The following MOGAT2 variants were observed in gnomAD, a reference collection of about 807,000 sequenced individuals.
MOGAT2 encodes the protein 2-acylglycerol O-acyltransferase 2.
MOGAT2 carries 27 observed loss-of-function variants against 31.5 expected under a neutral mutation model. The observed-to-expected ratio is 0.86, with a 90% CI of 0.63 to 1.18. The LOEUF (loss-of-function observed/expected upper bound fraction) is 1.18. Ranked by LOEUF, MOGAT2 falls within the 50% of genes most tolerant of loss-of-function variation. The pLI is 0.00. For missense variants in MOGAT2, 436 were observed against 433.2 expected (o/e 1.01, Z -0.06); for synonymous variants, 163 against 170.0 (o/e 0.96, Z 0.32).
At chr11:75,720,860 T>C (rs1320377391) in intron 2 of MOGAT2, among the ~76,000 whole-genome samples, 2 of 152,164 alleles carry the variant, frequency 1.3e-5, no homozygotes, top group East Asian at 1.9e-4. Context: ...TTGTGGACGC[T>C]GGGCCCTGGA....
Position 75,717,842 on chromosome 11 carries a change from C to T in MOGAT2, c.-47C>T, listed in dbSNP as rs374253507. 67 of 1,590,460 alleles carry T rather than the reference C, an allele frequency of 4.2e-5. No homozygotes were observed. The African/African-American group carries it at 7.0e-4, about 17-fold the overall frequency. On this transcript the variant is annotated 5_prime_UTR_variant, in exon 1 of 6. Transcript: ENST00000198801. ...ACAAAAACCTGTGGGTGCCTCAGAC[C>T]ACAGCAGAGCTCACAGAACCTGCGG...
rs1944492044 is a variant in MOGAT2 at position 75,732,531 on chromosome 11, G to GC, written c.*1248dup. ...GCCGTTTGCCACTCTCCAGCATCTG[G>GC]CCCAGCCTGTCCATCCTCATCTCTC... On this transcript the variant is annotated 3_prime_UTR_variant, in exon 6 of 6. Transcript: ENST00000198801. 6.6e-6 allele frequency: 1 copy of GC among 152,348 alleles called. No homozygotes were observed. The highest frequency in any genetic ancestry group is 1.5e-5 in the Non-Finnish European group (1 of 68,198). The allele number at this position is 152,348 out of a possible 1,614,324, so 9.4% of individuals were successfully genotyped here. A position where few individuals can be genotyped will look rare whatever the true frequency, so the allele number is the denominator to read the frequency against.
chr11:75,723,870 G>C (rs1043654287), intron 2 of MOGAT2, among the ~76,000 whole-genome samples: 1 of 152,136 alleles, frequency 6.6e-6, no homozygotes, highest in African/African-American at 2.4e-5. Context: ...CACCCAGGCA[G>C]GATTTTCCCC....
chr11:75,720,193 G>A (rs1234630227), intron 2 of MOGAT2, 23 bp downstream of exon 2: 3 of 1,599,652 alleles, frequency 1.9e-6, no homozygotes, highest in Non-Finnish European at 2.6e-6. Context: ...GCTGGTTGGG[G>A]TTGGGGAGGG....
Position 75,727,508 on chromosome 11 carries a change from T to C in MOGAT2, c.344T>C (p.Val115Ala), listed in dbSNP as rs752676668. 22 of 1,613,988 alleles carry C rather than the reference T, an allele frequency of 1.4e-5. No individual in the cohort carries two copies. The highest frequency in any genetic ancestry group is 1.7e-5 in the Non-Finnish European group (20 of 1,180,014). Reference sequence around the variant, plus strand: ...TTCCACCCCCATGGAGTCCTGGCAGTCGGAGCCTTTGCCAACCTGTGCACT... The same window carrying C: ...TTCCACCCCCATGGAGTCCTGGCAGCCGGAGCCTTTGCCAACCTGTGCACT... The part of the protein sequence containing the change: ...AGFHPHGVLA[V>A]GAFANLCTES... The change falls in exon 3 of 6, where the codon GTC becomes GCC. Residue 115 changes from valine to alanine, a missense_variant. Transcript: ENST00000198801.
intron 2 of MOGAT2, 64 bp from the exon 3 acceptor site, chr11:75,727,371 G>A (rs1409645932): frequency 6.6e-7 from 1 of 1,507,984 alleles, no homozygotes; most frequent in Non-Finnish European, 9.1e-7. Flanking sequence ...TCACACCAGT[G>A]AGTGGCAGAG....
intron 2 of MOGAT2, among the ~76,000 whole-genome samples, chr11:75,723,725 T>C (rs1944396802): frequency 6.6e-6 from 1 of 152,202 alleles, no homozygotes; most frequent in African/African-American, 2.4e-5. Flanking sequence ...CTGAATGTCA[T>C]ACTTTAAACG....
intron 2 of MOGAT2, among the ~76,000 whole-genome samples, chr11:75,720,939 G>A (rs1220785727): frequency 4.6e-5 from 7 of 152,138 alleles, no homozygotes; most frequent in African/African-American, 7.2e-5. Flanking sequence ...CTCCTTCAAC[G>A]GAATCCCAGG....
chr11:75,718,000 A>T lies in MOGAT2; in HGVS notation c.91+21A>T, dbSNP rs990719028. 3 of 1,611,610 alleles carry T rather than the reference A, an allele frequency of 1.9e-6. No homozygotes were observed. The African/African-American group carries it at 4.0e-5, about 21-fold the overall frequency. On this transcript the variant is annotated intron_variant, in intron 1 of 5. Transcript: ENST00000198801. ...ACTGGGTAAGTTGGGCTGCACTGTA[A>T]GACGGGAGACCACCGCACTCAGGTG...
At chr11:75,718,115 GC>G in intron 1 of MOGAT2, 136 bp downstream of exon 1, 1 of 906,552 alleles carries the variant, frequency 1.1e-6, no homozygotes, top group Non-Finnish European at 1.7e-6. Context: ...CAGAGCCCCT[GC>G]CCAGAGAGAA....
chr11:75,720,842 C>T (rs1291367513), intron 2 of MOGAT2, among the ~76,000 whole-genome samples: 1 of 152,134 alleles, frequency 6.6e-6, no homozygotes, highest in Non-Finnish European at 1.5e-5. Context: ...CCTGTCACCT[C>T]GTGGTCATTG....
rs781378010 is a variant in MOGAT2, at chr11:75,731,329, G to C, written c.*43G>C. On this transcript the variant is annotated 3_prime_UTR_variant, in exon 6 of 6. Coordinates refer to ENST00000198801, the MANE Select transcript of MOGAT2 (RefSeq NM_025098.4). Reference sequence around the variant, plus strand: ...AACATTAGGGAGCCCAGCAGGAGGTGCTGTGCTGAGAAGACTTCCTGGAGG... The same window carrying C: ...AACATTAGGGAGCCCAGCAGGAGGTCCTGTGCTGAGAAGACTTCCTGGAGG... 1 of 1,602,042 alleles carries C rather than the reference G, an allele frequency of 6.2e-7. No individual in the cohort carries two copies.
chr11:75,725,377 T>C (rs1944412572), intron 2 of MOGAT2, among the ~76,000 whole-genome samples: 1 of 152,006 alleles, frequency 6.6e-6, no homozygotes, highest in Non-Finnish European at 1.5e-5. Flanking sequence ...AAACACCCTG[T>C]CTCTACTAAA....
At chr11:75,721,333 A>G (rs1045409872) in intron 2 of MOGAT2, among the ~76,000 whole-genome samples, 7 of 151,814 alleles carry the variant, frequency 4.6e-5, no homozygotes, top group African/African-American at 1.7e-4. Flanking sequence ...CCCAGGCTGG[A>G]GTGCAATGGC....
At chr11:75,720,278 G>T in intron 2 of MOGAT2, 108 bp downstream of exon 2, 1 of 1,284,962 alleles carries the variant, frequency 7.8e-7, no homozygotes. Context: ...GCACTGAGGA[G>T]GGTACTGGGC....
chr11:75,721,466 A>G (rs1027223436), intron 2 of MOGAT2, among the ~76,000 whole-genome samples: 7 of 152,120 alleles, frequency 4.6e-5, no homozygotes, highest in African/African-American at 1.7e-4. Context: ...TATTTTTAGT[A>G]GAGACGGGGT....
intron 5 of MOGAT2, among the ~76,000 whole-genome samples, chr11:75,730,432 A>C (rs1305558855): frequency 6.6e-6 from 1 of 152,208 alleles, no homozygotes; most frequent in Non-Finnish European, 1.5e-5. Context: ...CTGAAGGTAA[A>C]GGGCACATCC....
chr11:75,718,059 ATTGAT>A (rs1944345174), intron 1 of MOGAT2, 80 bp downstream of exon 1: 18 of 1,340,998 alleles, frequency 1.3e-5, no homozygotes, highest in Non-Finnish European at 1.8e-5. Flanking sequence ...CACACAGCAC[ATTGAT>A]GGTGGCAAGA....
At position 75,731,265 on chromosome 11, in the gene MOGAT2, C is replaced by T. The variant is rs750153970; in HGVS notation, c.984C>T (p.Asp328=). 9 of 1,614,130 alleles carry T rather than the reference C, an allele frequency of 5.6e-6. No individual in the cohort carries two copies. The highest frequency in any genetic ancestry group is 8.5e-7 in the Non-Finnish European group (1 of 1,180,010). ...AHKLKFNIPA[D]QHLEFC The stretch of plus-strand genomic sequence containing the variant: ...AACTTAAGTTCAACATCCCTGCTGA[C>T]CAGCACTTGGAGTTCTGCTGAGCCC... The change falls in exon 6 of 6, where the codon GAC becomes GAT. Residue 328 remains aspartate (D), a synonymous_variant. Coordinates refer to ENST00000198801, the MANE Select transcript of MOGAT2 (RefSeq NM_025098.4).
Sources: gnomAD v4.1 joint callset for allele counts (sites outside exome capture counted in the v4.1 genomes callset) on GRCh38, gnomAD v4.1.1 for gene constraint, MANE v1.5 for transcripts, NCBI Gene and HGNC (gene_info 2026-07-23, HGNC 2026-07-21) for gene names.